The following RDH13 variants were observed in gnomAD, a reference collection of about 807,000 sequenced individuals.
RDH13 encodes retinol dehydrogenase 13 (all-trans and 9-cis).
RDH13 carries 35 observed loss-of-function variants against 28.3 expected under a neutral mutation model. That is an observed-to-expected ratio of 1.24 (90% CI 0.95 to 1.64). RDH13 has a LOEUF of 1.64. RDH13 is among the 40% of genes most tolerant of loss of function. RDH13 has a pLI of 0.00. For synonymous variants in RDH13, 229 were observed against 198.5 expected (o/e 1.15, Z -1.29); for missense variants, 514 against 446.3 (o/e 1.15, Z -1.37).
At chr19:55,052,591 C>T (rs34606618) in intron 3 of RDH13, among the ~76,000 whole-genome samples, 10,844 of 150,550 alleles carry the variant, frequency 0.072, 550 homozygotes, top group East Asian at 0.21. Flanking sequence ...CTCCCAGGCT[C>T]AAGCAATCCT....
intron 1 of RDH13, among the ~76,000 whole-genome samples, chr19:55,060,239 T>C (rs1281017128): frequency 6.6e-6 from 1 of 151,210 alleles, no homozygotes; most frequent in Non-Finnish European, 1.5e-5. Flanking sequence ...TAAAACCTGA[T>C]TGTACATTTG....
chr19:55,048,915 C>A, intron 3 of RDH13, 152 bp from the exon 4 acceptor site: 1 of 684,400 alleles, frequency 1.5e-6, no homozygotes, highest in South Asian at 1.7e-5. Flanking sequence ...AGGATGCGGT[C>A]ATTAGGGTGA....
chr19:55,062,862 T>C, intron 1 of RDH13, 106 bp downstream of exon 1: 2 of 1,029,550 alleles, frequency 1.9e-6, no homozygotes, highest in Non-Finnish European at 2.6e-6. Context: ...GGTCGGGAGC[T>C]ACGGGGCCTG....
chr19:55,043,441 T>C (rs917620100), downstream of RDH13, among the ~76,000 whole-genome samples: 3 of 152,006 alleles, frequency 2.0e-5, no homozygotes, highest in Non-Finnish European at 4.4e-5. Context: ...CCCAGCACTT[T>C]GGGAGGCCAA....
intron 3 of RDH13, among the ~76,000 whole-genome samples, chr19:55,054,750 T>TA (rs1555823911): frequency 2.6e-5 from 4 of 151,358 alleles, no homozygotes; most frequent in East Asian, 3.9e-4. Flanking sequence ...TTTTTTTTTT[T>TA]AATCTTTGGT....
chr19:55,064,598 T>G (rs903975770), upstream of RDH13, among the ~76,000 whole-genome samples: 3 of 150,996 alleles, frequency 2.0e-5, no homozygotes, highest in Admixed American at 2.0e-4. Flanking sequence ...ACAGGATTTG[T>G]TTTTGTTTGT....
chr19:55,049,305 G>A (rs567081119), intron 3 of RDH13, among the ~76,000 whole-genome samples: 4 of 152,286 alleles, frequency 2.6e-5, no homozygotes, highest in South Asian at 4.1e-4. Flanking sequence ...ACCGGTGGGA[G>A]CCCCGGCACC....
At chr19:55,059,901 G>A (rs770871081) in intron 1 of RDH13, among the ~76,000 whole-genome samples, 58 of 152,212 alleles carry the variant, frequency 3.8e-4, no homozygotes, top group Non-Finnish European at 7.1e-4. Context: ...GGGCTGTGCA[G>A]GAAGTGCCTT....
chr19:55,057,216 T>C (rs989505296), intron 2 of RDH13, among the ~76,000 whole-genome samples: 2 of 152,108 alleles, frequency 1.3e-5, no homozygotes, highest in African/African-American at 4.8e-5. Context: ...AATAGATTCT[T>C]GGTTTTCTAG....
At chr19:55,045,920 T>C (rs547046876) in intron 6 of RDH13, among the ~76,000 whole-genome samples, 1 of 133,946 alleles carries the variant, frequency 7.5e-6, no homozygotes, top group South Asian at 2.4e-4. Flanking sequence ...CACTCCAGCC[T>C]GGGTGACAAT....
chr19:55,063,065 G>GGA lies in RDH13; in HGVS notation c.-34_-33insTC, dbSNP rs2075860103. ...CGGGGACAGGCGTCAGGCGTCAGGG[G>GGA]TCGGCGCGGAGCTTGCTGCACACCA... On this transcript the variant is annotated 5_prime_UTR_variant, in exon 1 of 7. Coordinates refer to ENST00000415061, the MANE Select transcript of RDH13 (RefSeq NM_001145971.2). 12 of 1,332,314 alleles carry GGA rather than the reference G, an allele frequency of 9.0e-6. 1 individual carries two copies. Among genetic ancestry groups the GGA allele is most frequent in the Middle Eastern group, 2.2e-4 (1 of 4,504 alleles). The allele number at this position is 1,332,314 out of a possible 1,614,324, so 82.5% of individuals were successfully genotyped here.
intron 3 of RDH13, among the ~76,000 whole-genome samples, chr19:55,054,970 A>ACAATAAATAATTTTAGTGTATT (rs1260092736): frequency 6.6e-6 from 1 of 152,174 alleles, no homozygotes; most frequent in Non-Finnish European, 1.5e-5. Flanking sequence ...TGTCAACTAA[A>ACAATAAATAATTTTAGTGTATT]CAATAAATAA....
chr19:55,048,239 C>A, intron 5 of RDH13, 90 bp downstream of exon 5: 7 of 1,576,546 alleles, frequency 4.4e-6, no homozygotes, highest in Non-Finnish European at 6.0e-6. Context: ...CTGGATCCAC[C>A]GTTTGGCCTC....
chr19:55,045,344 C>A, intron 6 of RDH13, 35 bp from the exon 7 acceptor site: 1 of 1,536,182 alleles, frequency 6.5e-7, no homozygotes, highest in Non-Finnish European at 8.9e-7. Context: ...AGTCCACACT[C>A]GCTCAGAGAG....
chr19:55,049,789 CA>C lies in RDH13; in HGVS notation c.341-1027del, dbSNP rs71181733. Among the ~76,000 whole-genome samples, 455 of 126,454 alleles carry C rather than the reference CA, an allele frequency of 3.6e-3. 2 individuals carry two copies. The highest frequency in any genetic ancestry group is 0.012 in the East Asian group (50 of 4,276). The allele number at this position is 126,454 out of a possible 152,430, so 83.0% of individuals were successfully genotyped here. A position where few individuals can be genotyped will look rare whatever the true frequency, so the allele number is the denominator to read the frequency against. On this transcript the variant is annotated intron_variant, in intron 3 of 6. Coordinates refer to ENST00000415061, the MANE Select transcript of RDH13 (RefSeq NM_001145971.2). Reference sequence around the variant, plus strand: ...GGGCAATAAAAGCAAAACTCCATCTCAAAAAAAAAAAAAAAAATCACAGTCC... The same window carrying C: ...GGGCAATAAAAGCAAAACTCCATCTCAAAAAAAAAAAAAAAATCACAGTCC...
chr19:55,048,253 T>G, intron 5 of RDH13, 76 bp downstream of exon 5: 1 of 1,593,388 alleles, frequency 6.3e-7, no homozygotes, highest in Non-Finnish European at 8.5e-7. Flanking sequence ...TGGCCTCCCA[T>G]CAGCCTAGGA....
At chr19:55,043,737 T>A (rs1481893207), downstream of RDH13, among the ~76,000 whole-genome samples, 2 of 152,010 alleles carry the variant, frequency 1.3e-5, no homozygotes, top group Non-Finnish European at 2.9e-5. Flanking sequence ...GAAAACATGT[T>A]TTCTATCTCG....
intron 1 of RDH13, 21 bp downstream of exon 1, chr19:55,062,947 G>T: frequency 6.9e-7 from 1 of 1,447,030 alleles, no homozygotes; most frequent in Non-Finnish European, 9.1e-7. Flanking sequence ...GACCGCGCAC[G>T]CGGGGCTAGA....
At chr19:55,049,488 G>A (rs962726966) in intron 3 of RDH13, among the ~76,000 whole-genome samples, 1 of 152,120 alleles carries the variant, frequency 6.6e-6, no homozygotes, top group Non-Finnish European at 1.5e-5. Flanking sequence ...CAGACAGGTG[G>A]TTTAAAACCT....
Sources: allele counts gnomAD v4.1 joint callset (sites outside exome capture counted in the v4.1 genomes callset), GRCh38; gene constraint gnomAD v4.1.1; transcripts MANE v1.5; gene names NCBI Gene and HGNC (gene_info 2026-07-23, HGNC 2026-07-21).